Variants in TPTE observed in about 807,000 individuals in gnomAD.
The protein encoded by TPTE is putative tyrosine-protein phosphatase TPTE.
A neutral mutation model predicts 84.1 loss-of-function variants in TPTE; 59 were observed. The ratio of observed to expected loss-of-function variants is 0.70; its 90% confidence interval spans 0.57 to 0.87. TPTE has a LOEUF of 0.87. Among genes scored for constraint, TPTE ranks in the 40% least tolerant of loss-of-function variants. The pLI, the probability that TPTE is intolerant of heterozygous loss-of-function variation, is 0.00. For synonymous variants in TPTE, 130 were observed against 223.5 expected (o/e 0.58, Z 3.73); for missense variants, 382 against 659.6 (o/e 0.58, Z 4.61).
chr21:10,563,265 C>T (rs1455265486), intron 10 of TPTE, among the ~76,000 whole-genome samples: 1 of 152,306 alleles, frequency 6.6e-6, no homozygotes. Context: ...GGGAGTATTT[C>T]AATCAGAAAG....
intron 19 of TPTE, among the ~76,000 whole-genome samples, chr21:10,592,828 G>T (rs1204532023): frequency 1.4e-4 from 22 of 152,384 alleles, no homozygotes; most frequent in Admixed American, 1.1e-3. Context: ...GTGTGTGTGT[G>T]TGTGTCTTTT....
intron 1 of TPTE, among the ~76,000 whole-genome samples, chr21:10,522,748 A>C (rs112483221): frequency 0.12 from 18,058 of 145,996 alleles, 9 homozygotes; most frequent in African/African-American, 0.3. Context: ...TAATTCGCAC[A>C]TAATAAATTG....
chr21:10,556,120 G>A (rs2074678569), intron 8 of TPTE, among the ~76,000 whole-genome samples: 1 of 152,300 alleles, frequency 6.6e-6, no homozygotes, highest in Non-Finnish European at 1.5e-5. Context: ...TCATGCATGT[G>A]CCATGTTGGT....
intron 3 of TPTE, among the ~76,000 whole-genome samples, chr21:10,535,943 G>A: frequency 6.6e-6 from 1 of 152,428 alleles, no homozygotes; most frequent in East Asian, 1.9e-4. Flanking sequence ...TTTAGATGGG[G>A]TAAGAGGCAT....
chr21:10,537,179 A>G, intron 3 of TPTE, among the ~76,000 whole-genome samples: 1 of 152,312 alleles, frequency 6.6e-6, no homozygotes, highest in Non-Finnish European at 1.5e-5. Flanking sequence ...AATTTGAAAT[A>G]AAGTAAACCA....
chr21:10,556,039 TAC>T, intron 8 of TPTE, among the ~76,000 whole-genome samples: 2 of 152,328 alleles, frequency 1.3e-5, no homozygotes, highest in African/African-American at 4.8e-5. Context: ...TTTCACCTGC[TAC>T]TTTTTTTTAT....
At chr21:10,567,296 G>T (rs1227190368) in intron 10 of TPTE, among the ~76,000 whole-genome samples, 1 of 152,310 alleles carries the variant, frequency 6.6e-6, no homozygotes, top group African/African-American at 2.4e-5. Flanking sequence ...TAACTTGATT[G>T]TATATTTTTA....
At chr21:10,597,439 G>A (rs2075609687) in intron 20 of TPTE, among the ~76,000 whole-genome samples, 4 of 147,458 alleles carry the variant, frequency 2.7e-5, no homozygotes, top group Middle Eastern at 3.5e-3. Context: ...TTTGGAGACA[G>A]AGTCTTGTTC....
At chr21:10,572,096 A>G (rs1273006359) in intron 14 of TPTE, among the ~76,000 whole-genome samples, 1 of 152,308 alleles carries the variant, frequency 6.6e-6, no homozygotes, top group African/African-American at 2.4e-5. Context: ...TCTCAAATAG[A>G]TTCAACCCAA....
intron 3 of TPTE, among the ~76,000 whole-genome samples, chr21:10,532,965 C>T (rs2074204923): frequency 6.6e-6 from 1 of 152,306 alleles, no homozygotes; most frequent in South Asian, 2.1e-4. Context: ...TCTTTGTCTC[C>T]ATTAGATACT....
intron 10 of TPTE, among the ~76,000 whole-genome samples, 160 bp downstream of exon 10, chr21:10,561,351 G>T (rs1171480142): frequency 6.6e-6 from 1 of 152,310 alleles, no homozygotes; most frequent in East Asian, 1.9e-4. Context: ...AATTAGCTGG[G>T]CATGGTGGTG....
chr21:10,562,223 T>A (rs2074821941), intron 10 of TPTE, among the ~76,000 whole-genome samples: 1 of 152,310 alleles, frequency 6.6e-6, no homozygotes, highest in Non-Finnish European at 1.5e-5. Context: ...GATCACAGTA[T>A]CCAAGTTCTT....
At chr21:10,538,552 A>G (rs2074309089) in intron 3 of TPTE, 129 bp from the exon 4 acceptor site, 1 of 1,406,080 alleles carries the variant, frequency 7.1e-7, no homozygotes, top group East Asian at 2.4e-5. Context: ...TCAGAACCAA[A>G]TAGTGCTATA....
intron 3 of TPTE, among the ~76,000 whole-genome samples, chr21:10,535,285 A>G (rs1290227909): frequency 1.3e-5 from 2 of 152,308 alleles, no homozygotes; most frequent in African/African-American, 4.8e-5. Flanking sequence ...ATTAGAAACA[A>G]GGATTTATAT....
At chr21:10,560,147 C>A (rs1364504499) in intron 9 of TPTE, among the ~76,000 whole-genome samples, 2 of 152,292 alleles carry the variant, frequency 1.3e-5, no homozygotes, top group Non-Finnish European at 1.5e-5. Flanking sequence ...TGTTTTTCTT[C>A]CATCTGCAAA....
At chr21:10,562,977 T>C (rs2074839225) in intron 10 of TPTE, among the ~76,000 whole-genome samples, 1 of 152,290 alleles carries the variant, frequency 6.6e-6, no homozygotes, top group Non-Finnish European at 1.5e-5. Flanking sequence ...GTCCCAAAGA[T>C]CAAGGATAAA....
chr21:10,572,565 A>C (rs1299390066), intron 14 of TPTE, among the ~76,000 whole-genome samples: 2 of 152,250 alleles, frequency 1.3e-5, no homozygotes, highest in Non-Finnish European at 2.9e-5. Context: ...GAAACTTTAC[A>C]GGTCAGTAGA....
intron 5 of TPTE, among the ~76,000 whole-genome samples, chr21:10,541,752 G>T (rs542688218): frequency 6.6e-6 from 1 of 152,428 alleles, no homozygotes; most frequent in Non-Finnish European, 1.5e-5. Context: ...GATTTTCTGT[G>T]TACCAGACAT....
intron 7 of TPTE, among the ~76,000 whole-genome samples, chr21:10,546,867 A>G (rs2074477021): frequency 6.6e-6 from 1 of 152,310 alleles, no homozygotes; most frequent in Non-Finnish European, 1.5e-5. Context: ...CATCACATAA[A>G]AGTGCAAGGT....
Sources: gnomAD v4.1 joint callset for allele counts (sites outside exome capture counted in the v4.1 genomes callset) on GRCh38, gnomAD v4.1.1 for gene constraint, MANE v1.5 for transcripts, NCBI Gene and HGNC (gene_info 2026-07-23, HGNC 2026-07-21) for gene names.